GPHN: variants seen among roughly 807,000 people sequenced by gnomAD.
GPHN encodes gephyrin.
A neutral mutation model predicts 95.5 loss-of-function variants in GPHN; 17 were observed. That is an observed-to-expected ratio of 0.18 (90% CI 0.12 to 0.27). The LOEUF is 0.27. GPHN is among the 10% of genes least tolerant of loss of function. GPHN has a pLI of 1.00. For synonymous variants in GPHN, 320 were observed against 322.5 expected (o/e 0.99, Z 0.08); for missense variants, 660 against 978.1 (o/e 0.67, Z 4.34).
intron 2 of GPHN, among the ~76,000 whole-genome samples, chr14:66,704,085 A>G (rs977474936): frequency 3.9e-5 from 6 of 152,186 alleles, no homozygotes; most frequent in African/African-American, 1.2e-4. Flanking sequence ...GGCATTACAT[A>G]ATGGTAAAGG....
chr14:67,279,077 TGA>T, the GPHN span: 1 of 1,246,996 alleles, frequency 8.0e-7, no homozygotes. Flanking sequence ...TTTTTTTTTT[TGA>T]AGTAACATGG....
chr14:67,669,544 G>A, the GPHN span, among the ~76,000 whole-genome samples: 60 of 148,670 alleles, frequency 4.0e-4, no homozygotes, highest in East Asian at 0.012. Context: ...TGGGATTACA[G>A]GCACGAGCCA....
chr14:66,837,988 G>A (rs2061922680), intron 4 of GPHN, among the ~76,000 whole-genome samples: 1 of 152,022 alleles, frequency 6.6e-6, no homozygotes, highest in Admixed American at 6.6e-5. Flanking sequence ...GAAAAATAGT[G>A]TTGCCCATAT....
the GPHN span, chr14:67,374,428 A>G: frequency 5.8e-5 from 79 of 1,358,520 alleles, no homozygotes; most frequent in South Asian, 1.0e-3. Context: ...GTACAGTGGC[A>G]TCTGGACAGA....
chr14:67,612,528 A>C, the GPHN span, among the ~76,000 whole-genome samples: 1 of 152,200 alleles, frequency 6.6e-6, no homozygotes, highest in Non-Finnish European at 1.5e-5. Context: ...AGGGTTCTGA[A>C]GCTCCTGTGG....
the GPHN span, chr14:67,586,095 A>C: frequency 4.3e-5 from 70 of 1,613,786 alleles, no homozygotes; most frequent in African/African-American, 8.7e-4. Context: ...GGCTGCTCCC[A>C]AGGTAGGTCT....
At chr14:67,713,265 CAAA>C in the GPHN span, among the ~76,000 whole-genome samples, 1 of 150,818 alleles carries the variant, frequency 6.6e-6, no homozygotes, top group Non-Finnish European at 1.5e-5. Context: ...AACAAACAAA[CAAA>C]AAACAAAACA....
chr14:67,161,541 G>C (rs745809081), intron 19 of GPHN, among the ~76,000 whole-genome samples: 1 of 151,992 alleles, frequency 6.6e-6, no homozygotes, highest in Non-Finnish European at 1.5e-5. Context: ...GGGGTGGTTC[G>C]CTTGAGCCCG....
At chr14:67,125,524 C>T (rs1031401115) in intron 17 of GPHN, among the ~76,000 whole-genome samples, 1 of 152,216 alleles carries the variant, frequency 6.6e-6, no homozygotes, top group Non-Finnish European at 1.5e-5. Context: ...CGCCTATAAT[C>T]CCAGCACTTT....
chr14:67,421,122 C>T, the GPHN span, among the ~76,000 whole-genome samples: 2 of 152,112 alleles, frequency 1.3e-5, no homozygotes, highest in South Asian at 4.1e-4. Context: ...AAGGAAAATG[C>T]CAAGCCCTTG....
At chr14:67,582,087 A>G in the GPHN span, 1 of 1,611,846 alleles carries the variant, frequency 6.2e-7, no homozygotes, top group African/African-American at 1.3e-5. This position sits in a 1 kb window ranked among gnomAD's most constrained non-coding sequence, Gnocchi z 5.0. Context: ...TTCGCAGTCA[A>G]GTCAAAGGGG....
the GPHN span, among the ~76,000 whole-genome samples, chr14:67,722,934 C>A: frequency 1.3e-5 from 2 of 152,190 alleles, no homozygotes; most frequent in Non-Finnish European, 2.9e-5. Flanking sequence ...CACCTGAGCT[C>A]TGGGGAGAGT....
At chr14:66,926,351 C>T (rs1361382383) in intron 8 of GPHN, among the ~76,000 whole-genome samples, 1 of 152,084 alleles carries the variant, frequency 6.6e-6, no homozygotes, top group African/African-American at 2.4e-5. Flanking sequence ...CCAATGTTTC[C>T]TTTTAGTGGT....
chr14:67,113,117 A>C lies in GPHN; in HGVS notation c.1572A>C (p.Thr524=). The C allele has an allele frequency of 6.2e-7, 1 of 1,613,958 alleles. No homozygotes were observed. The highest frequency in any genetic ancestry group is 1.1e-5 in the South Asian group (1 of 91,084). Residue 524 remains threonine, a synonymous_variant, in exon 16 of 23, where the codon ACA becomes ACC. Coordinates refer to ENST00000478722, the MANE Select transcript of GPHN (RefSeq NM_020806.5). Reference sequence around the variant, plus strand: ...GTCTTCTGGCAACTGTAGGTGTCACAGAGGTTGAAGTTAATAAGTTTCCAG... The same window carrying C: ...GTCTTCTGGCAACTGTAGGTGTCACCGAGGTTGAAGTTAATAAGTTTCCAG... ...EIGLLATVGV[T]EVEVNKFPVV...
chr14:67,487,731 G>A, the GPHN span, among the ~76,000 whole-genome samples: 1 of 152,020 alleles, frequency 6.6e-6, no homozygotes, highest in Non-Finnish European at 1.5e-5. Flanking sequence ...CCCTTCCTAT[G>A]AACATCAGTA....
At chr14:67,368,848 C>A in the GPHN span, among the ~76,000 whole-genome samples, 1 of 151,912 alleles carries the variant, frequency 6.6e-6, no homozygotes, top group Non-Finnish European at 1.5e-5. Context: ...CATAGTGAAA[C>A]TATCTCTAGA....
chr14:67,594,712 T>G, the GPHN span, among the ~76,000 whole-genome samples: 1 of 151,900 alleles, frequency 6.6e-6, no homozygotes, highest in African/African-American at 2.4e-5. Context: ...AGGAGGGAGT[T>G]ATGTCCTGAT....
intron 10 of GPHN, among the ~76,000 whole-genome samples, chr14:67,035,845 C>G (rs1399545373): frequency 6.6e-6 from 1 of 151,828 alleles, no homozygotes; most frequent in African/African-American, 2.4e-5. Context: ...AGAATTGGTA[C>G]CAGTTCTTCT....
chr14:66,510,066 A>C (rs1320535206), intron 1 of GPHN, among the ~76,000 whole-genome samples: 1 of 152,182 alleles, frequency 6.6e-6, no homozygotes, highest in African/African-American at 2.4e-5. Context: ...GTTGCAGAAA[A>C]GGGAACCCCC....
Sources: gnomAD v4.1 joint callset for allele counts (sites outside exome capture counted in the v4.1 genomes callset) on GRCh38, gnomAD v4.1.1 for gene constraint, Gnocchi (gnomAD v3.1) non-coding constraint, MANE v1.5 for transcripts, NCBI Gene and HGNC (gene_info 2026-07-23, HGNC 2026-07-21) for gene names.